WIPF3: variants seen among roughly 807,000 people sequenced by gnomAD.
The protein encoded by WIPF3 is WAS/WASL interacting protein family member 3.
Under a neutral mutation model 38.9 loss-of-function variants are expected in WIPF3, and 33 were observed. The ratio of observed to expected loss-of-function variants is 0.85; its 90% CI spans 0.64 to 1.14. The LOEUF is 1.14. WIPF3 is among the 50% of genes most tolerant of loss of function. The pLI, the probability that WIPF3 is intolerant of heterozygous loss-of-function variation, is 0.00. For missense variants in WIPF3, 711 were observed against 652.5 expected (o/e 1.09, Z -0.98); for synonymous variants, 324 against 269.3 (o/e 1.20, Z -1.99).
chr7:29,821,122 G>A (rs547393283), intron 1 of WIPF3, among the ~76,000 whole-genome samples: 21 of 152,142 alleles, frequency 1.4e-4, no homozygotes, highest in South Asian at 2.1e-4. Context: ...CACACATTTT[G>A]CATGTTTAAA....
At position 29,833,551 on chromosome 7, in the gene WIPF3, A is replaced by G. The variant is rs1032770610; in HGVS notation, c.-57-1117A>G. On this transcript the variant is annotated intron_variant, in intron 1 of 8. Transcript: ENST00000242140. ...ATTTATAAAAAGATAAAAAGAACTA[A>G]CATATTAGGTGAGCAAAATTCAGTG... 3.9e-5 allele frequency among the ~76,000 whole-genome samples: 6 copies of G among 152,358 alleles called. 1 individual carries two copies.
intron 1 of WIPF3, among the ~76,000 whole-genome samples, chr7:29,830,764 A>G (rs149893914): frequency 6.6e-6 from 1 of 152,338 alleles, no homozygotes; most frequent in African/African-American, 2.4e-5. Context: ...CTACATGGAA[A>G]TATCAGCGTC....
rs1230301123 is a variant in WIPF3, at chr7:29,875,951, C to T, written c.212C>T (p.Pro71Leu). The stretch of plus-strand genomic sequence containing the variant: ...ACGCAGATCAACGACCGCAGTGCCC[C>T]GCAGATCGAGAGTAAGTGAGCAGCC... ...KVTQINDRSA[P>L]QIESSKGTNK... is the part of the protein sequence containing the mutation. Residue 71 changes from proline to leucine, a missense_variant, in exon 3 of 9, where the codon CCG becomes CTG. By Grantham distance (98) the Pro-to-Leu change is moderately conservative. Coordinates refer to ENST00000242140, the MANE Select transcript of WIPF3 (RefSeq NM_001080529.3). 8.7e-6 allele frequency: 14 copies of T among 1,613,728 alleles called. No individual in the cohort carries two copies. The highest frequency in any genetic ancestry group is 1.7e-4 in the Middle Eastern group (1 of 5,936).
chr7:29,873,628 A>AAAAT (rs908325441), intron 2 of WIPF3, among the ~76,000 whole-genome samples: 135 of 152,308 alleles, frequency 8.9e-4, no homozygotes, highest in African/African-American at 3.2e-3. Context: ...CTGCCTTTCT[A>AAAAT]AAATAAATAA....
At chr7:29,816,273 T>G (rs1784456820) in intron 1 of WIPF3, among the ~76,000 whole-genome samples, 1 of 152,140 alleles carries the variant, frequency 6.6e-6, no homozygotes, top group Non-Finnish European at 1.5e-5. Context: ...TATGCATTCT[T>G]CCAGAGAAAA....
In WIPF3 at chr7:29,884,159, C is replaced by T. The variant is rs1351822509; in HGVS notation, c.665C>T (p.Ala222Val). 6.5e-7 allele frequency: 1 copy of T among 1,527,974 alleles called. No individual in the cohort carries two copies. 94.7% of individuals were successfully genotyped at this position (1,527,974 alleles called of 1,614,324 possible). The change falls in exon 5 of 9, where the codon GCG becomes GTG. Residue 222 changes from alanine (A) to valine (V), a missense_variant. Coordinates refer to ENST00000242140, the MANE Select transcript of WIPF3 (RefSeq NM_001080529.3). ...LPVVAPPVPC[A>V]PPPPPPPPPP... ...GTGGTTGCACCCCCCGTCCCCTGTGCGCCACCACCTCCACCTCCGCCACCT... is the reference window on the plus strand; with the variant it reads ...GTGGTTGCACCCCCCGTCCCCTGTGTGCCACCACCTCCACCTCCGCCACCT...
Position 29,884,042 on chromosome 7 carries a change from C to G in WIPF3, c.548C>G (p.Pro183Arg). The change falls in exon 5 of 9, where the codon CCT becomes CGT. Residue 183 changes from proline (P) to arginine (R), a missense_variant. Coordinates refer to ENST00000242140, the MANE Select transcript of WIPF3 (RefSeq NM_001080529.3). The stretch of plus-strand genomic sequence containing the variant: ...CCCCCTCCCACCCCACCCCCTCCGC[C>G]TCCACCCTTACCCCCGCCCCTTCCC... Reference protein sequence around the residue: ...APPPPTPPPPPPPLPPPLPSS... With the variant: ...APPPPTPPPPRPPLPPPLPSS... The G allele has an allele frequency of 7.0e-7, 1 of 1,428,378 alleles. No homozygotes were observed. The highest frequency in any genetic ancestry group is 1.4e-5 in the South Asian group (1 of 69,096). 88.5% of individuals were successfully genotyped at this position (1,428,378 alleles called of 1,614,324 possible).
intron 7 of WIPF3, among the ~76,000 whole-genome samples, chr7:29,901,383 A>AT (rs543723994): frequency 0.04 from 4,888 of 121,790 alleles, 168 homozygotes; most frequent in Middle Eastern, 0.062. Flanking sequence ...AGCAGCAGTG[A>AT]TTTTTTTTTT....
intron 5 of WIPF3, among the ~76,000 whole-genome samples, chr7:29,886,191 G>C (rs151116362): frequency 6.8e-4 from 103 of 152,046 alleles, no homozygotes; most frequent in African/African-American, 2.4e-3. Flanking sequence ...GGTGCAAAGA[G>C]CAAAGATATT....
rs146343895 is a variant in WIPF3 at position 29,902,503 on chromosome 7, G to T, written c.1352-1783G>T. ...CCTTACCTTAAAAGGTTTTTATAAT[G>T]ACTTATATATGTTGTAGAAAAGTTG... On this transcript the variant is annotated intron_variant, in intron 7 of 8. Transcript: ENST00000242140. Among the ~76,000 whole-genome samples the T allele has an allele frequency of 4.0e-3, 610 of 152,092 alleles. 5 individuals are homozygous for T. The highest frequency in any genetic ancestry group is 0.014 in the African/African-American group (583 of 41,500).
chr7:29,883,134 TAA>T (rs1785758298), intron 4 of WIPF3, among the ~76,000 whole-genome samples: 1 of 152,142 alleles, frequency 6.6e-6, no homozygotes, highest in Admixed American at 6.5e-5. Flanking sequence ...TTGTTGAATT[TAA>T]AAGAGGAATT....
chr7:29,859,793 G>A (rs1484039256), intron 2 of WIPF3, among the ~76,000 whole-genome samples: 2 of 152,272 alleles, frequency 1.3e-5, no homozygotes, highest in African/African-American at 2.4e-5. Context: ...TTTTACATAA[G>A]TTTATAAGAG....
At chr7:29,873,472 T>C (rs1356875141) in intron 2 of WIPF3, among the ~76,000 whole-genome samples, 1 of 152,210 alleles carries the variant, frequency 6.6e-6, no homozygotes, top group African/African-American at 2.4e-5. Context: ...TTGTGATATT[T>C]CTTTGGTCCC....
At chr7:29,822,730 T>A (rs1228788095) in intron 1 of WIPF3, among the ~76,000 whole-genome samples, 1 of 152,212 alleles carries the variant, frequency 6.6e-6, no homozygotes, top group Non-Finnish European at 1.5e-5. Flanking sequence ...CCGTCCTGTC[T>A]CATTCATTAA....
rs187499882 is a variant in WIPF3, at chr7:29,878,168, A to T, written c.224-841A>T. On this transcript the variant is annotated intron_variant, in intron 3 of 8. Coordinates refer to ENST00000242140, the MANE Select transcript of WIPF3 (RefSeq NM_001080529.3). This position sits in a 1 kb window ranked among gnomAD's most constrained non-coding sequence, Gnocchi z 4.0. ...ATTGGTTAAGCCTAATTAACAGGTA[A>T]ATCAATTTCATTGAAACACTCACTT... is the stretch of plus-strand genomic sequence containing the variant. Among the ~76,000 whole-genome samples, 1 of 152,334 alleles carries T rather than the reference A, an allele frequency of 6.6e-6. No homozygotes were observed. Among genetic ancestry groups the T allele is most frequent in the East Asian group, 1.9e-4 (1 of 5,194 alleles).
chr7:29,811,720 G>T (rs1332157282), intron 1 of WIPF3, among the ~76,000 whole-genome samples: 1 of 152,298 alleles, frequency 6.6e-6, no homozygotes, highest in East Asian at 1.9e-4. Flanking sequence ...TGGAAGTGCT[G>T]TGGTAGAAGG....
intron 1 of WIPF3, among the ~76,000 whole-genome samples, chr7:29,816,703 C>A (rs555645382): frequency 6.6e-6 from 1 of 152,264 alleles, no homozygotes; most frequent in South Asian, 2.1e-4. Context: ...CAGGTTCATA[C>A]ATACAGGGCT....
chr7:29,868,550 A>G (rs1476736783), intron 2 of WIPF3, among the ~76,000 whole-genome samples: 1 of 151,660 alleles, frequency 6.6e-6, no homozygotes, highest in African/African-American at 2.4e-5. Context: ...ACACATACAC[A>G]AATATATTAA....
chr7:29,904,263 G>A, intron 7 of WIPF3, 23 bp from the exon 8 acceptor site: 1 of 1,612,966 alleles, frequency 6.2e-7, no homozygotes, highest in Non-Finnish European at 8.5e-7. Flanking sequence ...AATAGATAAT[G>A]AGATTGTTCT....
Sources: allele counts gnomAD v4.1 joint callset (sites outside exome capture counted in the v4.1 genomes callset), GRCh38; gene constraint gnomAD v4.1.1; non-coding constraint Gnocchi (gnomAD v3.1); transcripts MANE v1.5; gene names NCBI Gene and HGNC (gene_info 2026-07-23, HGNC 2026-07-21).